CNBD1: variants seen among roughly 807,000 people sequenced by gnomAD.
CNBD1 encodes the protein cyclic nucleotide binding domain containing 1.
Under a neutral mutation model 54.4 loss-of-function variants are expected in CNBD1, and 71 were observed. The observed-to-expected ratio is 1.30, with a 90% CI of 1.08 to 1.59. The LOEUF (loss-of-function observed/expected upper bound fraction) is 1.59. Ranked by LOEUF, CNBD1 falls within the 40% of genes most tolerant of loss-of-function variation. The pLI is 0.00. For synonymous variants in CNBD1, 182 were observed against 170.7 expected (o/e 1.07, Z -0.51); for missense variants, 659 against 518.0 (o/e 1.27, Z -2.64).
At chr8:87,330,112 G>A (rs911333037) in intron 8 of CNBD1, among the ~76,000 whole-genome samples, 2 of 151,684 alleles carry the variant, frequency 1.3e-5, no homozygotes, top group Non-Finnish European at 2.9e-5. Context: ...AATCTAGATG[G>A]TCAAATTTGT....
chr8:87,177,411 T>G (rs1813223107), intron 4 of CNBD1, among the ~76,000 whole-genome samples: 1 of 152,230 alleles, frequency 6.6e-6, no homozygotes, highest in South Asian at 2.1e-4. Context: ...AATTGGGAGA[T>G]GGAGAATTTC....
At chr8:87,067,165 A>G (rs150293609) in intron 4 of CNBD1, among the ~76,000 whole-genome samples, 1 of 152,106 alleles carries the variant, frequency 6.6e-6, no homozygotes, top group East Asian at 1.9e-4. Flanking sequence ...AATTGTTTAG[A>G]GATAGAATGT....
At chr8:87,286,372 A>G (rs941148204) in intron 7 of CNBD1, among the ~76,000 whole-genome samples, 167 bp from the exon 8 acceptor site, 2 of 152,154 alleles carry the variant, frequency 1.3e-5, no homozygotes, top group Non-Finnish European at 1.5e-5. Context: ...ACATTTTAAT[A>G]TGTCTATGTG....
chr8:87,316,354 GT>G (rs145264654), intron 8 of CNBD1, among the ~76,000 whole-genome samples: 2,446 of 151,992 alleles, frequency 0.016, 50 homozygotes, highest in Middle Eastern at 0.079. Flanking sequence ...AAAATATTTA[GT>G]TTCCATTTTT....
chr8:87,419,712 A>G lies in CNBD1; in HGVS notation c.214-8834A>G, dbSNP rs574662100. ...ATGTGACAAAGTTTGTCTATTGAAT[A>G]CACTGAATATTTAGTTTAAAATATT... On this transcript the variant is annotated intron_variant, in intron 2 of 7. Transcript: ENST00000521593. Among the ~76,000 whole-genome samples, 44 of 152,000 alleles carry G rather than the reference A, an allele frequency of 2.9e-4. 1 individual carries two copies. In the South Asian group the frequency reaches 8.7e-3, roughly 30 times the overall value.
chr8:86,970,571 A>G (rs951805237), intron 4 of CNBD1, among the ~76,000 whole-genome samples: 1 of 150,568 alleles, frequency 6.6e-6, no homozygotes, highest in African/African-American at 2.4e-5. Context: ...TACTAAGCAT[A>G]GTAATCAATA....
chr8:86,866,705 T>A (rs553526039), intron 1 of CNBD1, 122 bp downstream of exon 1: 1 of 706,420 alleles, frequency 1.4e-6, no homozygotes, highest in East Asian at 2.7e-5. Context: ...TTATTGACAG[T>A]GCTGAAGAAT....
At position 87,040,624 on chromosome 8, in the gene CNBD1, T is replaced by C. The variant is rs1295550675; in HGVS notation, c.431+100870T>C. On this transcript the variant is annotated intron_variant, in intron 4 of 10. Coordinates refer to ENST00000518476, the MANE Select transcript of CNBD1 (RefSeq NM_173538.3). ...TATTTTTAGTAGAGATGGGGTTTCA[T>C]GGTGTTAGCCAGGATGGTCTCCATC... Among the ~76,000 whole-genome samples the C allele has an allele frequency of 2.0e-5, 3 of 151,458 alleles. 1 individual carries two copies. Among genetic ancestry groups the C allele is most frequent in the African/African-American group, 7.3e-5 (3 of 41,314 alleles).
chr8:87,207,097 GA>G (rs1311556141), intron 5 of CNBD1, among the ~76,000 whole-genome samples: 1 of 151,982 alleles, frequency 6.6e-6, no homozygotes, highest in African/African-American at 2.4e-5. Context: ...ATCAAGCAAT[GA>G]AAAATAAATC....
chr8:87,047,755 T>TGG (rs765450671), intron 4 of CNBD1, among the ~76,000 whole-genome samples: 6 of 152,136 alleles, frequency 3.9e-5, no homozygotes, highest in Non-Finnish European at 8.8e-5. Flanking sequence ...GATTTTCCTC[T>TGG]GGGGGGGTCT....
intron 2 of CNBD1, among the ~76,000 whole-genome samples, chr8:87,393,956 G>T (rs1162570386): frequency 6.6e-6 from 1 of 151,796 alleles, no homozygotes; most frequent in Non-Finnish European, 1.5e-5. Context: ...TATCCCAAGA[G>T]CACAATATGT....
intron 2 of CNBD1, among the ~76,000 whole-genome samples, chr8:87,409,630 G>A (rs1268217071): frequency 6.6e-6 from 1 of 152,076 alleles, no homozygotes; most frequent in Admixed American, 6.6e-5. Flanking sequence ...CAAATAATAG[G>A]CAGACTCTCC....
At chr8:86,982,810 TTA>T (rs1352649392) in intron 4 of CNBD1, among the ~76,000 whole-genome samples, 1 of 152,156 alleles carries the variant, frequency 6.6e-6, no homozygotes, top group Non-Finnish European at 1.5e-5. Flanking sequence ...CTCTTGATGA[TTA>T]GTACACAACA....
At position 87,371,637 on chromosome 8, in the gene CNBD1, C is replaced by A. The variant is rs566060656; in HGVS notation, c.1304-10983C>A. 3.9e-3 allele frequency among the ~76,000 whole-genome samples: 587 copies of A among 152,094 alleles called. 6 individuals carry two copies. The highest frequency in any genetic ancestry group is 0.014 in the African/African-American group (562 of 41,522). The stretch of plus-strand genomic sequence containing the variant: ...AGCAGCACATCAAAAAGCTTATCCA[C>A]TATGATCAAGTGGGCTTCATCCCTG... On this transcript the variant is annotated intron_variant, in intron 10 of 10. Transcript: ENST00000518476.
Position 87,216,529 on chromosome 8 carries a change from C to T in CNBD1, c.577+10391C>T, listed in dbSNP as rs190399938. The stretch of plus-strand genomic sequence containing the variant: ...TTATTTCTTATAGATTTTCTATAAT[C>T]TCTTATATTAGAGTAACAGTATTTT... On this transcript the variant is annotated intron_variant, in intron 5 of 10. Coordinates refer to ENST00000518476, the MANE Select transcript of CNBD1 (RefSeq NM_173538.3). Among the ~76,000 whole-genome samples, 39 of 152,218 alleles carry T rather than the reference C, an allele frequency of 2.6e-4. No homozygotes were observed. In the East Asian group the frequency reaches 5.2e-3, roughly 20 times the overall value.
At chr8:87,396,982 A>G (rs1811419483) in intron 2 of CNBD1, among the ~76,000 whole-genome samples, 1 of 150,976 alleles carries the variant, frequency 6.6e-6, no homozygotes, top group South Asian at 2.1e-4. Context: ...AATCACGTAT[A>G]ACTAATTTCC....
intron 4 of CNBD1, among the ~76,000 whole-genome samples, chr8:86,940,726 T>G (rs1261892939): frequency 6.6e-6 from 1 of 152,058 alleles, no homozygotes; most frequent in Non-Finnish European, 1.5e-5. Context: ...GAATTGAGAT[T>G]GATAACAGGA....
chr8:87,368,859 G>A lies in CNBD1; in HGVS notation c.1304-13761G>A, dbSNP rs370725248. Among the ~76,000 whole-genome samples the A allele has an allele frequency of 3.3e-5, 5 of 151,976 alleles. No individual in the cohort carries two copies. In the East Asian group the frequency reaches 7.8e-4, roughly 24 times the overall value. ...TTACATTCTGTGCAAATCTGCCATA[G>A]GAGAATTATGTGGCCAACTGAAAAT... On this transcript the variant is annotated intron_variant, in intron 10 of 10. Transcript: ENST00000518476.
chr8:87,421,626 AG>A (rs1215214061), intron 2 of CNBD1, among the ~76,000 whole-genome samples: 2 of 152,042 alleles, frequency 1.3e-5, no homozygotes, highest in Non-Finnish European at 2.9e-5. Flanking sequence ...ATGGCTGCAT[AG>A]TATTCCACGG....
Sources: gnomAD v4.1 joint callset for allele counts (sites outside exome capture counted in the v4.1 genomes callset) on GRCh38, gnomAD v4.1.1 for gene constraint, MANE v1.5 for transcripts, NCBI Gene and HGNC (gene_info 2026-07-23, HGNC 2026-07-21) for gene names.